ZNRF3: variants seen among roughly 807,000 people sequenced by gnomAD.
ZNRF3 encodes the protein zinc and ring finger 3.
In ZNRF3, 23 loss-of-function variants were observed where a neutral mutation model predicts 72.5. The ratio of observed to expected loss-of-function variants is 0.32; its 90% CI spans 0.23 to 0.45. ZNRF3 has a LOEUF of 0.45. ZNRF3 is among the 20% of genes least tolerant of loss of function. The pLI is 1.00. For synonymous variants in ZNRF3, 610 were observed against 545.3 expected (o/e 1.12, Z -1.65); for missense variants, 1,169 against 1,272.1 (o/e 0.92, Z 1.23).
chr22:28,984,044 G>A (rs1206585057), intron 1 of ZNRF3, among the ~76,000 whole-genome samples: 1 of 151,898 alleles, frequency 6.6e-6, no homozygotes, highest in African/African-American at 2.4e-5. Flanking sequence ...TTCACTGTGG[G>A]ATCCCCGTGT....
At chr22:29,005,919 CAG>C (rs2036235094) in intron 2 of ZNRF3, among the ~76,000 whole-genome samples, 1 of 152,076 alleles carries the variant, frequency 6.6e-6, no homozygotes, top group South Asian at 2.1e-4. Context: ...CCTATAATCT[CAG>C]CTATCGGGAG....
Position 29,048,339 on chromosome 22 carries a change from C to T in ZNRF3, c.913-50C>T, listed in dbSNP as rs781506481. The T allele has an allele frequency of 4.0e-6, 6 of 1,517,400 alleles. No homozygotes were observed. In the South Asian group the frequency reaches 5.7e-5, roughly 14 times the overall value. The allele number at this position is 1,517,400 out of a possible 1,614,324, so 94.0% of individuals were successfully genotyped here. ...GTCTATGCTGGACTCTGCAGGAGGA[C>T]ACACCTGCGAGGCTGAAGGCAGACT... On this transcript the variant is annotated intron_variant, in intron 6 of 8. Coordinates refer to ENST00000544604, the MANE Select transcript of ZNRF3 (RefSeq NM_001206998.2). The surrounding 1 kb of genome is among the most constrained non-coding windows in gnomAD (Gnocchi z 4.9).
intron 1 of ZNRF3, among the ~76,000 whole-genome samples, chr22:28,964,616 C>T (rs1395147029): frequency 6.6e-6 from 1 of 152,226 alleles, no homozygotes; most frequent in Non-Finnish European, 1.5e-5. Flanking sequence ...CCATCTCCCA[C>T]CCACCTCCTA....
At chr22:28,911,781 G>A (rs2034323946) in intron 1 of ZNRF3, among the ~76,000 whole-genome samples, 1 of 152,004 alleles carries the variant, frequency 6.6e-6, no homozygotes, top group Non-Finnish European at 1.5e-5. Context: ...CCTCAGTTTG[G>A]GCTCCATCTG....
intron 1 of ZNRF3, among the ~76,000 whole-genome samples, chr22:28,901,661 C>T (rs2034106845): frequency 8.8e-6 from 1 of 113,648 alleles, no homozygotes; most frequent in African/African-American, 3.3e-5. Context: ...TTTTTTGAGA[C>T]AGAGTCTTGC....
At chr22:28,990,836 A>T (rs2035939748) in intron 2 of ZNRF3, among the ~76,000 whole-genome samples, 1 of 152,122 alleles carries the variant, frequency 6.6e-6, no homozygotes, top group Non-Finnish European at 1.5e-5. Flanking sequence ...TGACTTTAAT[A>T]GCTTTACCTG....
intron 2 of ZNRF3, among the ~76,000 whole-genome samples, chr22:29,019,565 C>G (rs1238596446): frequency 6.6e-6 from 1 of 152,026 alleles, no homozygotes; most frequent in Admixed American, 6.6e-5. Context: ...TTGATAATAC[C>G]CAGTTCAAAA....
At chr22:28,894,505 C>T (rs1294070682) in intron 1 of ZNRF3, among the ~76,000 whole-genome samples, 1 of 152,078 alleles carries the variant, frequency 6.6e-6, no homozygotes, top group African/African-American at 2.4e-5. Context: ...CGGCGTCTGT[C>T]CAGGCAGATG....
intron 1 of ZNRF3, among the ~76,000 whole-genome samples, chr22:28,963,114 A>G (rs5752844): frequency 0.78 from 118,002 of 152,170 alleles, 49,129 homozygotes; most frequent in East Asian, 0.95. Flanking sequence ...TGGTGGTCTC[A>G]CAGGAGACAC....
At chr22:29,035,044 A>G (rs964547581) in intron 2 of ZNRF3, among the ~76,000 whole-genome samples, 4 of 132,570 alleles carry the variant, frequency 3.0e-5, no homozygotes, top group Non-Finnish European at 4.6e-5. Context: ...GAGTCTTGCT[A>G]TATTGGCCAG....
At chr22:28,978,830 T>C (rs1030389547) in intron 1 of ZNRF3, among the ~76,000 whole-genome samples, 2 of 152,234 alleles carry the variant, frequency 1.3e-5, no homozygotes, top group Non-Finnish European at 2.9e-5. Context: ...GAATAATTTA[T>C]TGACCTCCTC....
intron 2 of ZNRF3, among the ~76,000 whole-genome samples, chr22:29,008,191 C>T (rs1047809230): frequency 1.3e-5 from 2 of 152,170 alleles, no homozygotes; most frequent in Non-Finnish European, 2.9e-5. Flanking sequence ...CACTGTGTCT[C>T]GTTTGATAAG....
At chr22:28,910,230 G>A (rs1407402982) in intron 1 of ZNRF3, among the ~76,000 whole-genome samples, 4 of 151,892 alleles carry the variant, frequency 2.6e-5, no homozygotes, top group African/African-American at 9.7e-5. Context: ...TAGTAGAGAC[G>A]GGGTTTCACC....
At chr22:28,888,035 C>G (rs1465248750) in intron 1 of ZNRF3, among the ~76,000 whole-genome samples, 1 of 151,998 alleles carries the variant, frequency 6.6e-6, no homozygotes, top group Non-Finnish European at 1.5e-5. Context: ...ATCTGAATGA[C>G]AGGTTCTGTG....
At chr22:28,968,975 G>A (rs1454662411) in intron 1 of ZNRF3, among the ~76,000 whole-genome samples, 1 of 152,100 alleles carries the variant, frequency 6.6e-6, no homozygotes, top group East Asian at 1.9e-4. Context: ...GGACCACCAG[G>A]ACATACAGAC....
intron 1 of ZNRF3, among the ~76,000 whole-genome samples, chr22:28,911,515 A>G (rs755547216): frequency 2.6e-5 from 4 of 152,212 alleles, no homozygotes; most frequent in Non-Finnish European, 5.9e-5. Context: ...GTGATGTTCT[A>G]GTGACAACCT....
chr22:28,999,468 C>A (rs1437175661), intron 2 of ZNRF3, among the ~76,000 whole-genome samples: 1 of 152,070 alleles, frequency 6.6e-6, no homozygotes, highest in Non-Finnish European at 1.5e-5. Flanking sequence ...AGAGCGAGAC[C>A]CCTGACTCTC....
chr22:29,003,597 T>G (rs962489658), intron 2 of ZNRF3, among the ~76,000 whole-genome samples: 1 of 151,934 alleles, frequency 6.6e-6, no homozygotes, highest in African/African-American at 2.4e-5. Flanking sequence ...CCCAACACTT[T>G]GGGAAGTCAA....
chr22:29,006,845 G>A (rs1040422910), intron 2 of ZNRF3, among the ~76,000 whole-genome samples: 1 of 152,190 alleles, frequency 6.6e-6, no homozygotes, highest in Non-Finnish European at 1.5e-5. Context: ...CATTTTAAGG[G>A]TAGGTTTTGA....
Sources: gnomAD v4.1 joint callset for allele counts (sites outside exome capture counted in the v4.1 genomes callset) on GRCh38, gnomAD v4.1.1 for gene constraint, Gnocchi (gnomAD v3.1) non-coding constraint, MANE v1.5 for transcripts, NCBI Gene and HGNC (gene_info 2026-07-23, HGNC 2026-07-21) for gene names.